ABL1: variants seen among roughly 807,000 people sequenced by gnomAD.
ABL1 encodes tyrosine-protein kinase ABL1.
A neutral mutation model predicts 94.7 loss-of-function variants in ABL1; 11 were observed. The observed-to-expected ratio is 0.12, with a 90% CI of 0.07 to 0.19. The LOEUF (loss-of-function observed/expected upper bound fraction) is 0.19, where lower values mean the gene tolerates loss of function less well. Ranked by LOEUF, ABL1 falls within the 10% of genes least tolerant of loss-of-function variation. The pLI, the probability that ABL1 is intolerant of heterozygous loss-of-function variation, is 1.00. For synonymous variants in ABL1, 656 were observed against 622.4 expected (o/e 1.05, Z -0.80); for missense variants, 1,082 against 1,489.4 (o/e 0.73, Z 4.50).
At chr9:130,733,575 CTTTTTT>C (rs35185474) in intron 1 of ABL1, among the ~76,000 whole-genome samples, 1 of 103,220 alleles carries the variant, frequency 9.7e-6, no homozygotes, top group African/African-American at 4.3e-5. Flanking sequence ...CTGTAAAGCA[CTTTTTT>C]TTTTTTTTTT....
At chr9:130,817,670 C>T (rs1406151021) in intron 1 of ABL1, among the ~76,000 whole-genome samples, 2 of 152,146 alleles carry the variant, frequency 1.3e-5, no homozygotes, top group Non-Finnish European at 2.9e-5. Flanking sequence ...TAAAAAATGG[C>T]CTTGCTGAGG....
chr9:130,720,461 T>C (rs563434655), intron 1 of ABL1, among the ~76,000 whole-genome samples: 1 of 152,230 alleles, frequency 6.6e-6, no homozygotes, highest in Admixed American at 6.5e-5. Context: ...CAGAGCTTGC[T>C]AGTTTCAAGG....
intron 1 of ABL1, among the ~76,000 whole-genome samples, chr9:130,717,106 G>C (rs777997023): frequency 1.3e-5 from 2 of 151,280 alleles, no homozygotes; most frequent in Non-Finnish European, 2.9e-5. Flanking sequence ...GTAGTGGCAT[G>C]ATCTCGGCTC....
chr9:130,781,783 A>AT lies in ABL1; in HGVS notation c.136+67338dup, dbSNP rs202051979. Reference sequence around the variant, plus strand: ...TCTCCCCTTAACCATCTAAATCTGTATTTTTTTTTTCCCCATTTAGTTTCC... The same window carrying AT: ...TCTCCCCTTAACCATCTAAATCTGTATTTTTTTTTTTCCCCATTTAGTTTCC... On this transcript the variant is annotated intron_variant, in intron 1 of 10. Transcript: ENST00000372348. Among the ~76,000 whole-genome samples, 24 of 149,784 alleles carry AT rather than the reference A, an allele frequency of 1.6e-4. No homozygotes were observed. The East Asian group carries it at 2.5e-3, about 16-fold the overall frequency.
chr9:130,718,674 A>T (rs778644347), intron 1 of ABL1, among the ~76,000 whole-genome samples: 5 of 152,120 alleles, frequency 3.3e-5, no homozygotes, highest in Non-Finnish European at 7.3e-5. Context: ...TGAGCCCAGG[A>T]GTTCAAGATC....
intron 1 of ABL1, among the ~76,000 whole-genome samples, chr9:130,808,245 T>G (rs1263012674): frequency 8.7e-6 from 1 of 115,506 alleles, no homozygotes; most frequent in Non-Finnish European, 1.8e-5. Context: ...CTTCTTCTTC[T>G]TCTTTTTTTT....
rs1412806389 is a variant in ABL1 at position 130,887,217 on chromosome 9, G to A, written c.*1534G>A. 7 of 233,028 alleles carry A rather than the reference G, an allele frequency of 3.0e-5. No homozygotes were observed. The highest frequency in any genetic ancestry group is 5.9e-5 in the Non-Finnish European group (7 of 117,962). The allele number at this position is 233,028 out of a possible 1,614,324, so 14.4% of individuals were successfully genotyped here. A position where few individuals can be genotyped will look rare whatever the true frequency, so the allele number is the denominator to read the frequency against. On this transcript the variant is annotated 3_prime_UTR_variant, in exon 11 of 11. Transcript: ENST00000318560. ...AGCCTCGCACAGGCCCTAGCTTTAC[G>A]CTCATCACCTAAACTTGTACTTTAT... is the stretch of plus-strand genomic sequence containing the variant.
intron 1 of ABL1, among the ~76,000 whole-genome samples, chr9:130,741,265 C>T (rs547115693): frequency 4.6e-5 from 7 of 151,750 alleles, no homozygotes; most frequent in East Asian, 3.9e-4. Context: ...GACCCATGGT[C>T]GAGGGAGAGG....
intron 1 of ABL1, among the ~76,000 whole-genome samples, chr9:130,825,935 T>G (rs1224286579): frequency 6.6e-6 from 1 of 152,244 alleles, no homozygotes; most frequent in Admixed American, 6.5e-5. Flanking sequence ...AAATTTTAGT[T>G]TTTCAGCCTA....
chr9:130,738,066 G>A (rs1276462209), intron 1 of ABL1, among the ~76,000 whole-genome samples: 8 of 152,076 alleles, frequency 5.3e-5, no homozygotes, highest in East Asian at 3.9e-4. Flanking sequence ...TCCTGACCTC[G>A]TGATCCGCCC....
At chr9:130,877,701 A>G (rs1831371555) in intron 7 of ABL1, among the ~76,000 whole-genome samples, 1 of 143,652 alleles carries the variant, frequency 7.0e-6, no homozygotes. Context: ...CGTGCAGTGG[A>G]GCAATATCAG....
rs781070135 is a variant in ABL1, at chr9:130,854,919, A to G, written c.372A>G (p.Lys124=). 27 of 1,614,192 alleles carry G rather than the reference A, an allele frequency of 1.7e-5. 1 individual carries two copies. The South Asian group carries it at 2.6e-4, about 16-fold the overall frequency. ...TCACGCCAGTCAACAGTCTGGAGAA[A>G]CACTCCTGGTACCATGGGCCTGTGT... The part of the protein sequence containing the change: ...NYITPVNSLE[K]HSWYHGPVSR... Residue 124 remains lysine (K), a synonymous_variant, in exon 3 of 11, where the codon AAA becomes AAG. Transcript: ENST00000318560.
intron 1 of ABL1, chr9:130,714,626 C>A (rs181516416): frequency 2.3e-6 from 2 of 881,416 alleles, no homozygotes; most frequent in Non-Finnish European, 1.9e-6. Flanking sequence ...AAAGTTACTT[C>A]GTGACTTCGG....
intron 1 of ABL1, among the ~76,000 whole-genome samples, chr9:130,841,883 G>A (rs555970629): frequency 1.3e-5 from 2 of 151,728 alleles, no homozygotes; most frequent in Admixed American, 6.6e-5. Context: ...GTTATATTGC[G>A]TGTGTTGAGT....
rs1227277270 is a variant in ABL1 at position 130,760,713 on chromosome 9, A to T, written c.136+46258A>T. ...GAGTCTCGCTCTGTCGCCAGGCTGG[A>T]GTGCAGTGGCGCGATCTCGGCTCAC... On this transcript the variant is annotated intron_variant, in intron 1 of 10. Transcript: ENST00000372348. Among the ~76,000 whole-genome samples the T allele has an allele frequency of 3.4e-5, 5 of 148,986 alleles. No individual in the cohort carries two copies. The South Asian group carries it at 1.1e-3, about 32-fold the overall frequency.
At chr9:130,732,146 C>T (rs1199749704) in intron 1 of ABL1, among the ~76,000 whole-genome samples, 1 of 151,834 alleles carries the variant, frequency 6.6e-6, no homozygotes, top group South Asian at 2.1e-4. Context: ...TTAGTGAATA[C>T]GCAGTTGAAT....
rs1830260107 is a variant in ABL1 at position 130,814,741 on chromosome 9, G to A, written c.137-39323G>A. Among the ~76,000 whole-genome samples, 1 of 152,104 alleles carries A rather than the reference G, an allele frequency of 6.6e-6. No homozygotes were observed. The highest frequency in any genetic ancestry group is 1.5e-5 in the Non-Finnish European group (1 of 68,014). Reference sequence around the variant, plus strand: ...AAATACAAAAAATTCTCCGGGCGTGGTGGCGGGCGCCTGTAGTCCCAGCTA... The same window carrying A: ...AAATACAAAAAATTCTCCGGGCGTGATGGCGGGCGCCTGTAGTCCCAGCTA... On this transcript the variant is annotated intron_variant, in intron 1 of 10. Transcript: ENST00000372348. The surrounding 1 kb of genome is among the most constrained non-coding windows in gnomAD (Gnocchi z 4.4).
At chr9:130,785,447 T>A (rs1829813528) in intron 1 of ABL1, among the ~76,000 whole-genome samples, 1 of 152,172 alleles carries the variant, frequency 6.6e-6, no homozygotes, top group Non-Finnish European at 1.5e-5. Context: ...CTGTGCCCTT[T>A]CTGAAGAGTC....
intron 4 of ABL1, among the ~76,000 whole-genome samples, chr9:130,867,762 G>A (rs1831180303): frequency 6.6e-6 from 1 of 152,194 alleles, no homozygotes; most frequent in Non-Finnish European, 1.5e-5. Flanking sequence ...CTGTTGCCAG[G>A]TTGCACTTGC....
Sources: allele counts gnomAD v4.1 joint callset (sites outside exome capture counted in the v4.1 genomes callset), GRCh38; gene constraint gnomAD v4.1.1; non-coding constraint Gnocchi (gnomAD v3.1); transcripts MANE v1.5; gene names NCBI Gene and HGNC (gene_info 2026-07-23, HGNC 2026-07-21).